Variants in FAT1 observed in about 807,000 individuals in gnomAD.
FAT1 encodes the protein FAT atypical cadherin 1, also known as protocadherin Fat 1.
In FAT1, 171 loss-of-function variants were observed where a neutral mutation model predicts 329.8. That is an observed-to-expected ratio of 0.52 (90% CI 0.46 to 0.59). The LOEUF (loss-of-function observed/expected upper bound fraction) is 0.59, where lower values mean the gene tolerates loss of function less well. FAT1 is among the 20% of genes least tolerant of loss of function. The pLI, the probability that FAT1 is intolerant of heterozygous loss-of-function variation, is 0.00. For missense variants in FAT1, 5,672 were observed against 5,774.4 expected (o/e 0.98, Z 0.57); for synonymous variants, 2,233 against 2,228.6 (o/e 1.00, Z -0.06).
Position 186,708,880 on chromosome 4 carries a change from T to G in FAT1, c.948A>C (p.Lys316Asn). 1 of 1,613,966 alleles carries G rather than the reference T, an allele frequency of 6.2e-7. No individual in the cohort carries two copies. Among genetic ancestry groups the G allele is most frequent in the Admixed American group, 1.7e-5 (1 of 60,024 alleles). Residue 316 changes from lysine (K) to asparagine (N), a missense_variant, in exon 2 of 27, where the codon AAA becomes AAC. Physicochemically the swap from Lys to Asn is moderately conservative, Grantham distance 94. Around this residue, in one of 2 missense-constraint regions of FAT1, gnomAD observed 3,966 missense variants for 3,915.2 expected, o/e 1.01. Coordinates refer to ENST00000441802, the MANE Select transcript of FAT1 (RefSeq NM_005245.4). ...AATCAATGCCACCGATGGCTTTGAC[T>G]TTATACTCCTTACTCCCTGGAAAGG... Reference protein sequence around the residue: ...VRSFPGSKEYKVKAIGGIDWD... With the variant: ...VRSFPGSKEYNVKAIGGIDWD...
At chr4:186,713,403 G>A (rs1453609973) in intron 1 of FAT1, among the ~76,000 whole-genome samples, 8 of 152,148 alleles carry the variant, frequency 5.3e-5, no homozygotes, top group African/African-American at 9.6e-5. Context: ...AGGTAGAGTC[G>A]TTTCCACCAC....
chr4:186,706,814 T>C lies in FAT1; in HGVS notation c.3014A>G (p.Asp1005Gly), dbSNP rs1250250826. 2.5e-6 allele frequency: 4 copies of C among 1,613,854 alleles called. No individual in the cohort carries two copies. Among genetic ancestry groups the C allele is most frequent in the South Asian group, 2.2e-5 (2 of 91,078 alleles). ...QVYNLTVRAKDKGKPVSLSST... is the reference protein window; with the variant it reads ...QVYNLTVRAKGKGKPVSLSST... Reference sequence around the variant, plus strand: ...AGACAGAGAAACTGGCTTTCCCTTGTCTTTGGCCCTCACAGTGAGATTATA... The same window carrying C: ...AGACAGAGAAACTGGCTTTCCCTTGCCTTTGGCCCTCACAGTGAGATTATA... The change falls in exon 2 of 27, where the codon GAC becomes GGC. Residue 1005 changes from aspartate to glycine, a missense_variant. By Grantham distance (94) the Asp-to-Gly change is moderately conservative. Around this residue, in one of 2 missense-constraint regions of FAT1, gnomAD observed 3,966 missense variants for 3,915.2 expected, o/e 1.01. Transcript: ENST00000441802.
chr4:186,644,395 TAGAA>T (rs1299098881), intron 3 of FAT1, among the ~76,000 whole-genome samples: 1 of 152,196 alleles, frequency 6.6e-6, no homozygotes, highest in Non-Finnish European at 1.5e-5. Flanking sequence ...TAATTAAAAA[TAGAA>T]AGGAAGAAAA....
chr4:186,595,122 G>A (rs529413085), intron 26 of FAT1, among the ~76,000 whole-genome samples: 1 of 152,238 alleles, frequency 6.6e-6, no homozygotes, highest in South Asian at 2.1e-4. Flanking sequence ...TTCTTCATTA[G>A]AAATATAATC....
chr4:186,721,950 T>C (rs986416121), intron 1 of FAT1, among the ~76,000 whole-genome samples: 2 of 152,210 alleles, frequency 1.3e-5, no homozygotes, highest in African/African-American at 4.8e-5. Context: ...GCGATTCTCC[T>C]GCCTCAGCCT....
At position 186,588,413 on chromosome 4, in the gene FAT1, C is replaced by T. The variant is rs1049829513; in HGVS notation, c.*179G>A. The T allele has an allele frequency of 1.2e-5, 8 of 665,424 alleles. No individual in the cohort carries two copies. Among genetic ancestry groups the T allele is most frequent in the South Asian group, 4.7e-5 (2 of 42,966 alleles). The allele number at this position is 665,424 out of a possible 1,614,324, so 41.2% of individuals were successfully genotyped here. A position where few individuals can be genotyped will look rare whatever the true frequency, so the allele number is the denominator to read the frequency against. ...AATGGCACAGCCGATGAAAACCTCACGATGACAGTAGTTGGGACACTGGAA... is the reference window on the plus strand; with the variant it reads ...AATGGCACAGCCGATGAAAACCTCATGATGACAGTAGTTGGGACACTGGAA... On this transcript the variant is annotated 3_prime_UTR_variant, in exon 27 of 27. Transcript: ENST00000441802.
In FAT1 at chr4:186,619,734, A is replaced by G. The variant is rs184587904; in HGVS notation, c.6852T>C (p.Ala2284=). The G allele has an allele frequency of 3.1e-6, 5 of 1,614,040 alleles. No individual in the cohort carries two copies. Among genetic ancestry groups the G allele is most frequent in the African/African-American group, 1.3e-5 (1 of 75,058 alleles). The change falls in exon 10 of 27, where the codon GCT becomes GCC. Residue 2284 remains alanine, a synonymous_variant. Coordinates refer to ENST00000441802, the MANE Select transcript of FAT1 (RefSeq NM_005245.4). ...ACAGGGTCACCGCATAAGACTGCTGAGCAAACACAGGAGGGTTATCATTGA... is the reference window on the plus strand; with the variant it reads ...ACAGGGTCACCGCATAAGACTGCTGGGCAAACACAGGAGGGTTATCATTGA... ...DDINDNPPVF[A]QQSYAVTLSE...
intron 9 of FAT1, among the ~76,000 whole-genome samples, chr4:186,623,284 T>C (rs1197007012): frequency 6.6e-6 from 1 of 152,186 alleles, no homozygotes; most frequent in Non-Finnish European, 1.5e-5. Context: ...TGTCTGTACT[T>C]ATGAGTCAGT....
rs1209766434 is a variant in FAT1, at chr4:186,679,819, GC to G, written c.3266-16207del. ...AGCAATTTATGAAAGAGGTGGTGAA[GC>G]AATCGTATATTTTTTCCCACTTATT... On this transcript the variant is annotated intron_variant, in intron 2 of 26. Transcript: ENST00000441802. Among the ~76,000 whole-genome samples the G allele has an allele frequency of 4.6e-5, 7 of 152,314 alleles. No individual in the cohort carries two copies. In the East Asian group the frequency reaches 1.3e-3, roughly 29 times the overall value.
At chr4:186,660,273 G>A (rs1742108241) in intron 3 of FAT1, among the ~76,000 whole-genome samples, 1 of 152,122 alleles carries the variant, frequency 6.6e-6, no homozygotes, top group South Asian at 2.1e-4. Flanking sequence ...AAGAAGACGA[G>A]GCATGTGTAC....
chr4:186,681,887 G>A (rs141525144), intron 2 of FAT1, among the ~76,000 whole-genome samples: 31 of 152,260 alleles, frequency 2.0e-4, no homozygotes, highest in African/African-American at 7.0e-4. Flanking sequence ...GTCCACCTTT[G>A]CCTCCATAAC....
chr4:186,628,800 C>T, intron 7 of FAT1, 37 bp from the exon 8 acceptor site: 1 of 1,578,466 alleles, frequency 6.3e-7, no homozygotes, highest in Non-Finnish European at 8.6e-7. Context: ...ACAATATTTC[C>T]AATTATGAAT....
At chr4:186,597,284 C>T in intron 24 of FAT1, 113 bp from the exon 25 acceptor site, 1 of 1,190,990 alleles carries the variant, frequency 8.4e-7, no homozygotes. Flanking sequence ...ATGTGAAGAT[C>T]AAACCCAGAT....
At chr4:186,594,154 C>T (rs919970566) in intron 26 of FAT1, among the ~76,000 whole-genome samples, 3 of 152,034 alleles carry the variant, frequency 2.0e-5, no homozygotes, top group African/African-American at 7.2e-5. Flanking sequence ...CAAGCTACAA[C>T]TCCCGGGCTC....
intron 16 of FAT1, 88 bp from the exon 17 acceptor site, chr4:186,606,301 G>GA: frequency 7.0e-7 from 1 of 1,428,234 alleles, no homozygotes; most frequent in South Asian, 1.4e-5. Context: ...GTCCTGACGG[G>GA]CAGGTCCCAG....
intron 9 of FAT1, 90 bp from the exon 10 acceptor site, chr4:186,621,865 A>C: frequency 1.3e-6 from 1 of 790,758 alleles, no homozygotes; most frequent in Non-Finnish European, 1.9e-6. Flanking sequence ...GTATCCTTAA[A>C]AATTATATTC....
rs1739803153 is a variant in FAT1 at position 186,618,057 on chromosome 4, T to C, written c.8529A>G (p.Gln2843=). ...ASDADSGTNG[Q]VMYSLDQSQS... ...GTGACTGATCCAGGCTATACATAAC[T>C]TGGCCGTTGGTTCCTGAGTCAGCAT... Residue 2843 remains glutamine, a synonymous_variant, in exon 10 of 27, where the codon CAA becomes CAG. Transcript: ENST00000441802. 4 of 1,613,926 alleles carry C rather than the reference T, an allele frequency of 2.5e-6. No homozygotes were observed. The Admixed American group carries it at 5.0e-5, about 20-fold the overall frequency.
At position 186,621,243 on chromosome 4, in the gene FAT1, G is replaced by A. The variant is rs777040439; in HGVS notation, c.5343C>T (p.Asn1781=). ...CATTCCTGTCTGTTAGGACCACGCT[G>A]TTAATTGAGGCTGATTCACTAATGA... ...TGLISESASI[N]SVVLTDRNVP... is the part of the protein sequence containing the mutation. The change falls in exon 10 of 27, where the codon AAC becomes AAT. Residue 1781 remains asparagine, a synonymous_variant. Coordinates refer to ENST00000441802, the MANE Select transcript of FAT1 (RefSeq NM_005245.4). 10 of 1,613,924 alleles carry A rather than the reference G, an allele frequency of 6.2e-6. No homozygotes were observed. In the African/African-American group the frequency reaches 1.3e-4, roughly 22 times the overall value.
chr4:186,666,459 G>A (rs1020737005), intron 2 of FAT1, among the ~76,000 whole-genome samples: 5 of 152,078 alleles, frequency 3.3e-5, no homozygotes, highest in East Asian at 3.9e-4. Context: ...TGTTCTCTCC[G>A]GGAGGATTAC....
Sources: gnomAD v4.1 joint callset for allele counts (sites outside exome capture counted in the v4.1 genomes callset) on GRCh38, gnomAD v4.1.1 for gene constraint, gnomAD v4.1.1 regional missense constraint, MANE v1.5 for transcripts, NCBI Gene and HGNC (gene_info 2026-07-23, HGNC 2026-07-21) for gene names.